The following PUDP variants were observed in gnomAD, a reference collection of about 807,000 sequenced individuals.
PUDP encodes pseudouridine 5'-phosphatase.
A neutral mutation model predicts 9.4 loss-of-function variants in PUDP; 8 were observed. That is an observed-to-expected ratio of 0.85 (90% CI 0.50 to 1.53). The LOEUF (loss-of-function observed/expected upper bound fraction) is 1.53, where lower values mean the gene tolerates loss of function less well. Among genes scored for constraint, PUDP ranks in the 40% most tolerant of loss-of-function variants. The pLI is 0.00. For missense variants in PUDP, 188 were observed against 189.7 expected, an observed-to-expected ratio of 0.99 and a Z score of 0.05; for synonymous variants, 99 against 80.7, an observed-to-expected ratio of 1.23 and a Z score of -1.22.
intron 3 of PUDP, among the ~76,000 whole-genome samples, chrX:6,968,758 T>G (rs777775856): frequency 9.0e-6 from 1 of 110,937 alleles, no homozygotes; most frequent in Admixed American, 9.5e-5. Context: ...TAGCTGGGAC[T>G]ACAGGCACGT....
At chrX:7,140,336 C>T (rs773516250) in intron 1 of PUDP, among the ~76,000 whole-genome samples, 1 of 111,365 alleles carries the variant, frequency 9.0e-6, no homozygotes, top group South Asian at 3.7e-4. Context: ...TATTTTCAAG[C>T]GTAATGTATT....
chrX:7,022,089 TG>T (rs1346494260), intron 1 of PUDP, among the ~76,000 whole-genome samples: 2 of 111,263 alleles, frequency 1.8e-5, no homozygotes, highest in African/African-American at 6.5e-5. Context: ...TACTTTCCTC[TG>T]CCTTCCTTCT....
At chrX:6,747,817 TAAAAG>T (rs922483932) in intron 3 of PUDP, among the ~76,000 whole-genome samples, 1 of 112,141 alleles carries the variant, frequency 8.9e-6, no homozygotes, top group African/African-American at 3.2e-5. Context: ...AGAGTTTAAA[TAAAAG>T]AATAGTAGTG....
At chrX:6,816,589 C>T (rs1926240133) in intron 3 of PUDP, among the ~76,000 whole-genome samples, 1 of 100,285 alleles carries the variant, frequency 1.0e-5, no homozygotes, top group East Asian at 3.1e-4. Context: ...AATATACGTA[C>T]ACTATACACA....
chrX:6,785,580 A>G (rs1925633017), intron 3 of PUDP, among the ~76,000 whole-genome samples: 1 of 111,329 alleles, frequency 9.0e-6, no homozygotes, highest in Admixed American at 9.6e-5. Flanking sequence ...CCATTAAAAC[A>G]TAATCATTAG....
At chrX:6,752,641 A>G (rs1453148837) in intron 3 of PUDP, among the ~76,000 whole-genome samples, 2 of 111,533 alleles carry the variant, frequency 1.8e-5, no homozygotes, top group Non-Finnish European at 3.8e-5. Flanking sequence ...CAGGAAGGCA[A>G]AGTCAAGAAG....
chrX:6,729,644 T>TG (rs1924785281), intron 3 of PUDP, among the ~76,000 whole-genome samples: 4 of 112,003 alleles, frequency 3.6e-5, no homozygotes, highest in Admixed American at 2.8e-4. Flanking sequence ...CTTTAATTCA[T>TG]AGTACCTCCC....
chrX:6,960,380 C>T (rs765222057), intron 3 of PUDP, among the ~76,000 whole-genome samples: 6 of 111,758 alleles, frequency 5.4e-5, no homozygotes, highest in Admixed American at 1.9e-4. Flanking sequence ...GGCCAAGTTC[C>T]GCCTCCTCGT....
chrX:6,983,149 A>C (rs938236833), intron 1 of PUDP, among the ~76,000 whole-genome samples: 1 of 112,381 alleles, frequency 8.9e-6, no homozygotes, highest in African/African-American at 3.2e-5. Context: ...TTATCAAGAC[A>C]GAGGAATTAC....
chrX:6,720,092 AT>A (rs1225336469), intron 1 of PUDP, among the ~76,000 whole-genome samples: 2 of 106,401 alleles, frequency 1.9e-5, no homozygotes, highest in East Asian at 5.9e-4. Context: ...GATAAAGAAA[AT>A]GTTTATACAT....
chrX:6,988,470 T>C (rs920217321), intron 1 of PUDP, among the ~76,000 whole-genome samples: 32 of 112,148 alleles, frequency 2.9e-4, no homozygotes, highest in African/African-American at 1.0e-3. Context: ...TACAAACTTT[T>C]CCAGAGCTTA....
chrX:6,830,176 T>A (rs922258855), intron 3 of PUDP, among the ~76,000 whole-genome samples: 2 of 110,396 alleles, frequency 1.8e-5, no homozygotes, highest in African/African-American at 6.6e-5. Flanking sequence ...CTCTCTTTAT[T>A]CAAATGATAA....
intron 1 of PUDP, among the ~76,000 whole-genome samples, chrX:6,992,429 T>C (rs1211971869): frequency 1.9e-5 from 2 of 104,298 alleles, no homozygotes; most frequent in Non-Finnish European, 4.0e-5. Flanking sequence ...CCCGCCACCG[T>C]GCCCGGCTAA....
chrX:6,838,103 A>T (rs1926612197), intron 3 of PUDP, among the ~76,000 whole-genome samples: 1 of 112,104 alleles, frequency 8.9e-6, no homozygotes, highest in Non-Finnish European at 1.9e-5. Flanking sequence ...GATGGACATG[A>T]CCTGTTCTGT....
chrX:7,113,038 T>C (rs1298819736), intron 1 of PUDP: 2 of 112,580 alleles, frequency 1.8e-5, no homozygotes, highest in Non-Finnish European at 3.7e-5. Context: ...CCTAAGTAGA[T>C]CCCTCAGATG....
At chrX:6,800,165 C>T (rs113459707) in intron 3 of PUDP, among the ~76,000 whole-genome samples, 1 of 111,931 alleles carries the variant, frequency 8.9e-6, no homozygotes, top group African/African-American at 3.2e-5. Flanking sequence ...CAATTGACAT[C>T]GCCAGATAAT....
intron 1 of PUDP, among the ~76,000 whole-genome samples, chrX:7,130,244 G>A (rs1229441074): frequency 9.0e-6 from 1 of 110,938 alleles, no homozygotes; most frequent in Non-Finnish European, 1.9e-5. Context: ...TAAGCCTGAA[G>A]TGGCAGGCTT....
At chrX:7,136,158 A>T (rs1222216677) in intron 1 of PUDP, among the ~76,000 whole-genome samples, 1 of 111,540 alleles carries the variant, frequency 9.0e-6, no homozygotes, top group Non-Finnish European at 1.9e-5. Flanking sequence ...TACATTCAGG[A>T]TTTGTCTTGC....
intron 1 of PUDP, among the ~76,000 whole-genome samples, chrX:6,989,130 T>C (rs1474492043): frequency 8.9e-6 from 1 of 111,923 alleles, no homozygotes; most frequent in African/African-American, 3.3e-5. Context: ...TATTTGCATG[T>C]ATAAATGTAT....
Sources: allele counts gnomAD v4.1 joint callset (sites outside exome capture counted in the v4.1 genomes callset), GRCh38; gene constraint gnomAD v4.1.1; transcripts MANE v1.5; gene names NCBI Gene and HGNC (gene_info 2026-07-23, HGNC 2026-07-21).